Variants in IFT81 observed in about 807,000 individuals in gnomAD.
IFT81 encodes the protein intraflagellar transport protein 81 homolog.
IFT81 carries 72 observed loss-of-function variants against 102.6 expected under a neutral mutation model. The observed-to-expected ratio is 0.70, with a 90% CI of 0.58 to 0.85. IFT81 has a LOEUF of 0.85. IFT81 is among the 40% of genes least tolerant of loss of function. IFT81 has a pLI of 0.00. For missense variants in IFT81, 723 were observed against 787.3 expected, an observed-to-expected ratio of 0.92 and a Z score of 0.98; for synonymous variants, 237 against 242.7, an observed-to-expected ratio of 0.98 and a Z score of 0.22.
At chr12:110,216,705 T>G (rs940063062) in intron 18 of IFT81, 1 of 424,676 alleles carries the variant, frequency 2.4e-6, no homozygotes, top group Non-Finnish European at 4.6e-6. Context: ...TTTGTATTTT[T>G]AGTACAGATG....
At chr12:110,137,005 G>C (rs1894551995) in intron 8 of IFT81, 145 bp downstream of exon 8, 2 of 545,222 alleles carry the variant, frequency 3.7e-6, no homozygotes, top group Admixed American at 6.4e-5. Flanking sequence ...TGGAGAAGGA[G>C]AGCCCTGATA....
chr12:110,147,035 T>C lies in IFT81; in HGVS notation c.1028T>C (p.Leu343Pro). The C allele has an allele frequency of 6.2e-7, 1 of 1,608,770 alleles. No individual in the cohort carries two copies. The highest frequency in any genetic ancestry group is 1.1e-5 in the South Asian group (1 of 90,226). The part of the protein sequence containing the change: ...RNEPIEGKLS[L>P]YRQQASIISR... ...GAGCCCATTGAAGGCAAACTCTCAC[T>C]GTATAGGCAACAGGTAAGAACATTC... is the stretch of plus-strand genomic sequence containing the variant. The change falls in exon 10 of 19, where the codon CTG becomes CCG. Residue 343 changes from leucine (L) to proline (P), a missense_variant. Coordinates refer to ENST00000242591, the MANE Select transcript of IFT81 (RefSeq NM_014055.4).
chr12:110,189,039 T>C (rs986757909), intron 12 of IFT81, among the ~76,000 whole-genome samples: 4 of 152,242 alleles, frequency 2.6e-5, no homozygotes, highest in Non-Finnish European at 5.9e-5. Context: ...TTTAGCATAG[T>C]TGATCATTCC....
Position 110,144,996 on chromosome 12 carries a change from G to C in IFT81, c.945+1451G>C, listed in dbSNP as rs1895130845. The stretch of plus-strand genomic sequence containing the variant: ...TTCTTCTACCTCAGCCTCTCGACTA[G>C]CTGGGATTACAGGCGCACACCACTA... On this transcript the variant is annotated intron_variant, in intron 9 of 18. Coordinates refer to ENST00000242591, the MANE Select transcript of IFT81 (RefSeq NM_014055.4). 2.0e-5 allele frequency among the ~76,000 whole-genome samples: 3 copies of C among 147,038 alleles called. No homozygotes were observed. The Admixed American group carries it at 2.1e-4, about 10-fold the overall frequency.
intron 13 of IFT81, among the ~76,000 whole-genome samples, chr12:110,191,999 C>T (rs934019682): frequency 6.6e-6 from 1 of 151,888 alleles, no homozygotes; most frequent in African/African-American, 2.4e-5. Flanking sequence ...GGTGAAATCC[C>T]GTCTCTACTA....
intron 11 of IFT81, among the ~76,000 whole-genome samples, chr12:110,175,861 A>G (rs1247749667): frequency 6.6e-6 from 1 of 152,072 alleles, no homozygotes; most frequent in Non-Finnish European, 1.5e-5. Context: ...GTTGCCCAGT[A>G]TCTTCTCTGG....
chr12:110,139,941 C>T (rs61940945), intron 8 of IFT81, among the ~76,000 whole-genome samples: 2 of 149,312 alleles, frequency 1.3e-5, no homozygotes, highest in Non-Finnish European at 1.5e-5. Context: ...TGGTACATGC[C>T]GATAGTCCTA....
At position 110,205,609 on chromosome 12, in the gene IFT81, A is replaced by G. The variant is rs758528759; in HGVS notation, c.1731A>G (p.Gln577=). ...TNCMIKNLEV[Q]LRRATDEMKA... is the part of the protein sequence containing the mutation. ...TTTCTATTTAGAACCTAGAAGTTCA[A>G]CTTCGTCGTGCTACTGATGAGATGA... is the stretch of plus-strand genomic sequence containing the variant. The change falls in exon 17 of 19, where the codon CAA becomes CAG. Residue 577 remains glutamine, a synonymous_variant. Coordinates refer to ENST00000242591, the MANE Select transcript of IFT81 (RefSeq NM_014055.4). 53 of 1,602,696 alleles carry G rather than the reference A, an allele frequency of 3.3e-5. No homozygotes were observed. Among genetic ancestry groups the G allele is most frequent in the Non-Finnish European group, 4.5e-5 (53 of 1,176,964 alleles).
intron 4 of IFT81, among the ~76,000 whole-genome samples, chr12:110,131,013 T>G (rs1894129563): frequency 6.6e-6 from 1 of 152,178 alleles, no homozygotes; most frequent in Non-Finnish European, 1.5e-5. Context: ...CCAGGCACAG[T>G]GTCTCATGCC....
At chr12:110,141,474 G>A (rs181315311) in intron 8 of IFT81, among the ~76,000 whole-genome samples, 8 of 152,358 alleles carry the variant, frequency 5.3e-5, no homozygotes, top group Admixed American at 4.6e-4. Context: ...TGGTTAGCAC[G>A]ATGGAACTAA....
At chr12:110,137,415 G>A (rs960597274) in intron 8 of IFT81, among the ~76,000 whole-genome samples, 2 of 152,078 alleles carry the variant, frequency 1.3e-5, no homozygotes, top group South Asian at 4.1e-4. Flanking sequence ...TGTGGAGGGA[G>A]GCTGTCTGGT....
At chr12:110,133,799 C>T (rs1010069922) in intron 5 of IFT81, among the ~76,000 whole-genome samples, 2 of 152,122 alleles carry the variant, frequency 1.3e-5, no homozygotes, top group Non-Finnish European at 2.9e-5. Context: ...TGTCATTAAA[C>T]ATTCTTCTGC....
At position 110,218,194 on chromosome 12, in the gene IFT81, C is replaced by T. The variant is rs1264211451; in HGVS notation, c.1999C>T (p.Gln667Ter). 6.4e-7 allele frequency: 1 copy of T among 1,574,486 alleles called. No individual in the cohort carries two copies. Among genetic ancestry groups the T allele is most frequent in the East Asian group, 2.3e-5 (1 of 44,310 alleles). The change falls in exon 19 of 19, where the codon CAG (glutamine) becomes TAG (stop). Residue 667 changes from glutamine to a stop codon, truncating the protein, a stop_gained. Coordinates refer to ENST00000242591, the MANE Select transcript of IFT81 (RefSeq NM_014055.4). LOFTEE classifies it high-confidence loss of function. ...CCAAACTTCCATTGGTCAGGTAATTCAGGAGGGTGGGGAGGACCGGCTAAT... is the reference window on the plus strand; with the variant it reads ...CCAAACTTCCATTGGTCAGGTAATTTAGGAGGGTGGGGAGGACCGGCTAAT... Reference protein sequence around the residue: ...QSQTSIGQVIQEGGEDRLIL With the variant: ...QSQTSIGQVI
At chr12:110,207,463 T>C (rs1359983674) in intron 17 of IFT81, among the ~76,000 whole-genome samples, 2 of 152,094 alleles carry the variant, frequency 1.3e-5, no homozygotes, top group Non-Finnish European at 2.9e-5. Flanking sequence ...CAATTTTATA[T>C]TGTTTAATTT....
intron 9 of IFT81, among the ~76,000 whole-genome samples, chr12:110,145,389 T>TG (rs1045252339): frequency 6.6e-6 from 1 of 151,680 alleles, no homozygotes; most frequent in Non-Finnish European, 1.5e-5. Flanking sequence ...GCTTACTATG[T>TG]GGTTAATAGC....
In IFT81 at chr12:110,150,328, A is replaced by C. The variant is rs150380779; in HGVS notation, c.1041+3280A>C. ...ACCATGTTGGTCAGGCTGGTCTTGA[A>C]CTCCTCCCAAAGTGCTGGAATTACA... is the stretch of plus-strand genomic sequence containing the variant. On this transcript the variant is annotated intron_variant, in intron 10 of 18. Transcript: ENST00000242591. Among the ~76,000 whole-genome samples, 1,045 of 148,356 alleles carry C rather than the reference A, an allele frequency of 7.0e-3. 1 individual carries two copies. The highest frequency in any genetic ancestry group is 9.6e-3 in the Non-Finnish European group (641 of 67,036).
At chr12:110,139,818 T>TA (rs1555260154) in intron 8 of IFT81, among the ~76,000 whole-genome samples, 25 of 105,522 alleles carry the variant, frequency 2.4e-4, no homozygotes, top group South Asian at 8.1e-4. Flanking sequence ...TAAAATAAAA[T>TA]AAATAAAATA....
At chr12:110,151,383 A>C (rs1895518729) in intron 10 of IFT81, among the ~76,000 whole-genome samples, 1 of 152,202 alleles carries the variant, frequency 6.6e-6, no homozygotes, top group East Asian at 1.9e-4. Context: ...TTGCTGACTA[A>C]TACTCCATTG....
intron 11 of IFT81, among the ~76,000 whole-genome samples, chr12:110,174,229 G>T (rs1192483222): frequency 1.6e-5 from 2 of 125,840 alleles, no homozygotes; most frequent in Admixed American, 1.0e-4. Context: ...AGTGAGCCAA[G>T]ATCGCGCCAC....
Sources: allele counts gnomAD v4.1 joint callset (sites outside exome capture counted in the v4.1 genomes callset), GRCh38; gene constraint gnomAD v4.1.1; transcripts MANE v1.5; gene names NCBI Gene and HGNC (gene_info 2026-07-23, HGNC 2026-07-21).